Variants in TMLHE observed in about 807,000 individuals in gnomAD.
The protein encoded by TMLHE is trimethyllysine dioxygenase, mitochondrial.
TMLHE carries 18 observed loss-of-function variants against 25.7 expected under a neutral mutation model. The ratio of observed to expected loss-of-function variants is 0.70; its 90% CI spans 0.48 to 1.04. The LOEUF (loss-of-function observed/expected upper bound fraction) is 1.04, where lower values mean the gene tolerates loss of function less well. Among genes scored for constraint, TMLHE ranks in the 50% least tolerant of loss-of-function variants. The pLI is 0.00. For missense variants in TMLHE, 236 were observed against 259.0 expected (o/e 0.91, Z 0.61); for synonymous variants, 105 against 97.0 (o/e 1.08, Z -0.49).
At chrX:155,524,310 TA>T in intron 3 of TMLHE, 145 bp downstream of exon 3, 2 of 494,707 alleles carry the variant, frequency 4.0e-6, no homozygotes, top group Non-Finnish European at 3.2e-6. Context: ...AAGAGAAAAA[TA>T]AAATGTTTCA....
intron 1 of TMLHE, among the ~76,000 whole-genome samples, chrX:155,577,308 G>A (rs149653100): frequency 2.4e-3 from 264 of 111,887 alleles, no homozygotes; most frequent in African/African-American, 8.3e-3. Flanking sequence ...TGGTGCAGTT[G>A]GCTCACACCT....
chrX:155,606,042 A>C (rs190455157), intron 1 of TMLHE, among the ~76,000 whole-genome samples: 1 of 112,217 alleles, frequency 8.9e-6, no homozygotes, highest in East Asian at 2.8e-4. Context: ...CAACAAGAAG[A>C]CTTAACTATC....
chrX:155,544,846 T>C (rs1415202037), intron 2 of TMLHE, among the ~76,000 whole-genome samples: 2 of 111,427 alleles, frequency 1.8e-5, no homozygotes, highest in Non-Finnish European at 3.8e-5. Context: ...TCCCAACTTG[T>C]AGGCTAATCT....
At chrX:155,563,256 A>C (rs1196743502) in intron 1 of TMLHE, among the ~76,000 whole-genome samples, 1 of 62,794 alleles carries the variant, frequency 1.6e-5, no homozygotes, top group African/African-American at 3.5e-5. Flanking sequence ...TGAAACTTAA[A>C]ATTATGGCAG....
At chrX:155,583,746 G>C (rs4893083) in intron 1 of TMLHE, among the ~76,000 whole-genome samples, 1 of 111,675 alleles carries the variant, frequency 9.0e-6, no homozygotes, top group Admixed American at 9.5e-5. Context: ...CTTATAAGTG[G>C]GAACTAAGTA....
intron 1 of TMLHE, among the ~76,000 whole-genome samples, chrX:155,555,339 T>C (rs139027332): frequency 2.7e-5 from 3 of 110,735 alleles, no homozygotes; most frequent in South Asian, 3.8e-4. Flanking sequence ...AATAAACATA[T>C]GTGTGCATGT....
intron 5 of TMLHE, 91 bp downstream of exon 5, chrX:155,511,582 T>C: frequency 4.3e-6 from 4 of 933,754 alleles, no homozygotes; most frequent in Non-Finnish European, 5.7e-6. Flanking sequence ...GCAGATATGA[T>C]CTTGGTTCGA....
intron 3 of TMLHE, among the ~76,000 whole-genome samples, chrX:155,520,150 CG>C (rs1557335680): frequency 8.3e-5 from 1 of 12,008 alleles, no homozygotes; most frequent in Non-Finnish European, 2.3e-4. Context: ...GATTTTGCAG[CG>C]GCTGGTACCG....
intron 2 of TMLHE, among the ~76,000 whole-genome samples, chrX:155,538,373 T>C (rs1356303782): frequency 1.8e-5 from 2 of 112,135 alleles, no homozygotes; most frequent in African/African-American, 6.5e-5. Flanking sequence ...CACTCATCCA[T>C]TGATGGACGC....
intron 2 of TMLHE, among the ~76,000 whole-genome samples, chrX:155,539,361 A>G (rs1384788450): frequency 9.0e-6 from 1 of 111,442 alleles, no homozygotes; most frequent in African/African-American, 3.3e-5. Flanking sequence ...TGGAGCTCCA[A>G]TACCCTAGTT....
chrX:155,535,786 T>C (rs999027806), intron 2 of TMLHE, among the ~76,000 whole-genome samples: 1 of 111,871 alleles, frequency 8.9e-6, no homozygotes, highest in Non-Finnish European at 1.9e-5. Flanking sequence ...TCCAATGAAA[T>C]TTAGCTTAGA....
At chrX:155,549,404 T>C (rs1409838584) in intron 1 of TMLHE, among the ~76,000 whole-genome samples, 1 of 110,429 alleles carries the variant, frequency 9.1e-6, no homozygotes, top group Non-Finnish European at 1.9e-5. Context: ...GGAAGTTTCC[T>C]TCAATTCCTA....
chrX:155,535,582 T>C (rs1306311324), intron 2 of TMLHE, among the ~76,000 whole-genome samples: 1 of 112,336 alleles, frequency 8.9e-6, no homozygotes, highest in African/African-American at 3.2e-5. Flanking sequence ...ACACATTCAG[T>C]CCATAGCACT....
chrX:155,608,842 A>G (rs1484355266), intron 1 of TMLHE, among the ~76,000 whole-genome samples: 1 of 112,279 alleles, frequency 8.9e-6, no homozygotes, highest in Non-Finnish European at 1.9e-5. Flanking sequence ...ACAATGAAAT[A>G]CCATCTTACA....
intron 1 of TMLHE, among the ~76,000 whole-genome samples, chrX:155,560,791 T>C (rs1302084111): frequency 1.6e-5 from 1 of 61,528 alleles, no homozygotes; most frequent in African/African-American, 3.6e-5. Flanking sequence ...TGTAGGGCCT[T>C]ATAAGCTAAT....
intron 1 of TMLHE, among the ~76,000 whole-genome samples, chrX:155,560,897 G>A (rs1198485177): frequency 1.6e-5 from 1 of 61,536 alleles, no homozygotes; most frequent in African/African-American, 3.6e-5. Context: ...TAAATGAACT[G>A]TTCTGGCTGT....
chrX:155,542,576 C>A (rs1048617831), intron 2 of TMLHE, among the ~76,000 whole-genome samples: 2 of 111,649 alleles, frequency 1.8e-5, no homozygotes, highest in South Asian at 7.4e-4. Context: ...AAAAATGAGA[C>A]CAAAATTGGA....
chrX:155,548,530 AT>A (rs1235669753), intron 1 of TMLHE, among the ~76,000 whole-genome samples: 8 of 107,998 alleles, frequency 7.4e-5, no homozygotes, highest in African/African-American at 2.1e-4. Context: ...GGTCAGCAGT[AT>A]GAGGCCAGCC....
At chrX:155,516,057 T>C (rs1296590809) in intron 3 of TMLHE, among the ~76,000 whole-genome samples, 3 of 62,493 alleles carry the variant, frequency 4.8e-5, no homozygotes, top group Non-Finnish European at 9.4e-5. Flanking sequence ...AGGGTACATG[T>C]GCACATTGTG....
Sources: allele counts gnomAD v4.1 joint callset (sites outside exome capture counted in the v4.1 genomes callset), GRCh38; gene constraint gnomAD v4.1.1; transcripts MANE v1.5; gene names NCBI Gene and HGNC (gene_info 2026-07-23, HGNC 2026-07-21).